Variants in SAMD12 observed in about 807,000 individuals in gnomAD.
SAMD12 encodes sterile alpha motif domain containing 12, also known as sterile alpha motif domain-containing protein 12.
SAMD12 carries 9 observed loss-of-function variants against 15.0 expected under a neutral mutation model. The observed-to-expected ratio is 0.60, with a 90% CI of 0.36 to 1.05. The LOEUF is 1.05. Among genes scored for constraint, SAMD12 ranks in the 50% least tolerant of loss-of-function variants. The pLI, the probability that SAMD12 is intolerant of heterozygous loss-of-function variation, is 0.01. For missense variants in SAMD12, 230 were observed against 234.2 expected (o/e 0.98, Z 0.12); for synonymous variants, 86 against 90.1 (o/e 0.96, Z 0.25).
At chr8:118,211,584 A>T (rs2129819586) in intron 4 of SAMD12, among the ~76,000 whole-genome samples, 1 of 152,390 alleles carries the variant, frequency 6.6e-6, no homozygotes, top group Non-Finnish European at 1.5e-5. Flanking sequence ...TCTGTTCTGA[A>T]GAGTTGGAAA....
At chr8:118,358,445 A>G (rs1818335151) in intron 4 of SAMD12, among the ~76,000 whole-genome samples, 1 of 152,130 alleles carries the variant, frequency 6.6e-6, no homozygotes, top group South Asian at 2.1e-4. Flanking sequence ...CCCTCTCACC[A>G]TAGGTTTTTT....
the SAMD12 span, among the ~76,000 whole-genome samples, chr8:118,170,343 A>G: frequency 6.6e-6 from 1 of 152,284 alleles, no homozygotes; most frequent in African/African-American, 2.4e-5. Context: ...TATCTTATAA[A>G]ATGTGGAGGG....
At chr8:118,514,883 A>G (rs919998867) in intron 2 of SAMD12, among the ~76,000 whole-genome samples, 1 of 152,210 alleles carries the variant, frequency 6.6e-6, no homozygotes, top group African/African-American at 2.4e-5. Context: ...TCTCATGTCA[A>G]ATTGTAATTC....
the SAMD12 span, among the ~76,000 whole-genome samples, chr8:118,158,822 C>T: frequency 3.9e-4 from 59 of 152,176 alleles, 1 homozygote; most frequent in African/African-American, 1.4e-3. Context: ...GAGGAGCTAC[C>T]CAGTGTGGGT....
chr8:118,506,060 T>A (rs774747101), intron 2 of SAMD12, among the ~76,000 whole-genome samples: 1 of 152,158 alleles, frequency 6.6e-6, no homozygotes, highest in Non-Finnish European at 1.5e-5. Context: ...TTAGTACCCA[T>A]ACCTGCAGTC....
intron 2 of SAMD12, among the ~76,000 whole-genome samples, chr8:118,505,833 T>C (rs1824906140): frequency 6.6e-6 from 1 of 152,100 alleles, no homozygotes; most frequent in Non-Finnish European, 1.5e-5. Context: ...CACATCAGGA[T>C]TTGTGGGGAA....
chr8:118,540,916 A>G (rs1374047539), intron 2 of SAMD12, among the ~76,000 whole-genome samples: 1 of 152,190 alleles, frequency 6.6e-6, no homozygotes, highest in Non-Finnish European at 1.5e-5. Context: ...ACTGGCCCAG[A>G]GGTGGACATG....
intron 1 of SAMD12, among the ~76,000 whole-genome samples, chr8:118,589,736 CAGAA>C (rs1314927562): frequency 6.6e-6 from 1 of 152,158 alleles, no homozygotes; most frequent in African/African-American, 2.4e-5. Context: ...TATGATACTA[CAGAA>C]AGAGATTTCA....
intron 2 of SAMD12, among the ~76,000 whole-genome samples, chr8:118,493,571 G>A (rs1002729846): frequency 2.6e-5 from 4 of 152,180 alleles, no homozygotes; most frequent in Non-Finnish European, 5.9e-5. Context: ...TAAGGACTTT[G>A]CAAATGTGAT....
chr8:118,203,839 T>C (rs1277194015), intron 4 of SAMD12, among the ~76,000 whole-genome samples: 1 of 151,466 alleles, frequency 6.6e-6, no homozygotes, highest in Non-Finnish European at 1.5e-5. Flanking sequence ...GTGTTTGGTT[T>C]TTTGTCCTTG....
At chr8:118,452,379 T>C (rs1048043168) in intron 2 of SAMD12, among the ~76,000 whole-genome samples, 2 of 152,184 alleles carry the variant, frequency 1.3e-5, no homozygotes, top group African/African-American at 4.8e-5. Flanking sequence ...GAGAAGGGGA[T>C]AAGCTAGAGG....
intron 2 of SAMD12, among the ~76,000 whole-genome samples, chr8:118,471,826 T>A (rs763498906): frequency 6.6e-6 from 1 of 152,144 alleles, no homozygotes; most frequent in African/African-American, 2.4e-5. Context: ...TCCCGGTACC[T>A]GATACAGTCC....
intron 4 of SAMD12, among the ~76,000 whole-genome samples, chr8:118,211,931 G>C (rs1053982311): frequency 6.6e-6 from 1 of 152,080 alleles, no homozygotes; most frequent in Admixed American, 6.6e-5. Flanking sequence ...AACCAGTGTG[G>C]GATAAGGAAG....
At chr8:118,491,486 G>C (rs964685316) in intron 2 of SAMD12, among the ~76,000 whole-genome samples, 3 of 151,740 alleles carry the variant, frequency 2.0e-5, no homozygotes, top group Non-Finnish European at 2.9e-5. Flanking sequence ...TTTATTTTTA[G>C]GTAAAATTTA....
intron 3 of SAMD12, among the ~76,000 whole-genome samples, chr8:118,406,632 A>C (rs1489863024): frequency 6.6e-6 from 1 of 152,152 alleles, no homozygotes; most frequent in Non-Finnish European, 1.5e-5. Flanking sequence ...ATCATTGTAC[A>C]ACAAATATCC....
At chr8:118,145,316 T>C in the SAMD12 span, among the ~76,000 whole-genome samples, 1 of 152,186 alleles carries the variant, frequency 6.6e-6, no homozygotes, top group Non-Finnish European at 1.5e-5. Flanking sequence ...ATTATGTCAT[T>C]CTTGAAGTGC....
chr8:118,616,601 G>A (rs555394446), intron 1 of SAMD12, among the ~76,000 whole-genome samples: 2 of 152,130 alleles, frequency 1.3e-5, no homozygotes, highest in African/African-American at 4.8e-5. Context: ...ACTCTCTGAT[G>A]AGCAAGTCTG....
the SAMD12 span, among the ~76,000 whole-genome samples, chr8:118,151,852 A>AT: frequency 6.6e-6 from 1 of 151,112 alleles, no homozygotes; most frequent in African/African-American, 2.4e-5. Flanking sequence ...AAAAAAAAAA[A>AT]GATTTTGAAG....
intron 4 of SAMD12, among the ~76,000 whole-genome samples, chr8:118,322,960 G>A (rs928369351): frequency 3.9e-5 from 6 of 152,084 alleles, no homozygotes; most frequent in East Asian, 3.8e-4. Context: ...ACTATAATTC[G>A]AAACTTCCCT....
Sources: allele counts gnomAD v4.1 joint callset (sites outside exome capture counted in the v4.1 genomes callset), GRCh38; gene constraint gnomAD v4.1.1; transcripts MANE v1.5; gene names NCBI Gene and HGNC (gene_info 2026-07-23, HGNC 2026-07-21).